CAPSL: variants seen among roughly 807,000 people sequenced by gnomAD.
CAPSL encodes calcyphosin-like protein.
In CAPSL, 17 loss-of-function variants were observed where a neutral mutation model predicts 21.3. The observed-to-expected ratio is 0.80, with a 90% confidence interval of 0.55 to 1.20. CAPSL has a LOEUF of 1.20. CAPSL is among the 50% of genes most tolerant of loss of function. The probability of loss-of-function intolerance (pLI) is 0.00; values close to 1 mark genes in which losing one functional copy is unlikely to be tolerated. For missense variants in CAPSL, 289 were observed against 259.3 expected, an observed-to-expected ratio of 1.11 and a Z score of -0.79; for synonymous variants, 102 against 89.3, an observed-to-expected ratio of 1.14 and a Z score of -0.80.
At chr5:35,922,373 T>G (rs1011413275) in intron 1 of CAPSL, among the ~76,000 whole-genome samples, 1 of 152,132 alleles carries the variant, frequency 6.6e-6, no homozygotes, top group African/African-American at 2.4e-5. Context: ...GCCACTTTCT[T>G]GCAGCCTCCA....
intron 1 of CAPSL, among the ~76,000 whole-genome samples, chr5:35,922,508 C>T (rs1231509733): frequency 2.0e-5 from 3 of 152,162 alleles, no homozygotes; most frequent in African/African-American, 7.2e-5. Context: ...CTGTCTACGT[C>T]CCAGCTCTTT....
chr5:35,930,399 C>T (rs1048989828), intron 1 of CAPSL, among the ~76,000 whole-genome samples: 14 of 152,262 alleles, frequency 9.2e-5, no homozygotes, highest in African/African-American at 3.1e-4. Flanking sequence ...TTATAAATAT[C>T]ATTGTGATAA....
At chr5:35,913,501 C>T (rs1050283048) in intron 2 of CAPSL, among the ~76,000 whole-genome samples, 10 of 152,066 alleles carry the variant, frequency 6.6e-5, no homozygotes, top group South Asian at 2.1e-4. Flanking sequence ...AGACTAACAG[C>T]GGATCTCTCA....
Position 35,910,167 on chromosome 5 carries a change from G to A in CAPSL, c.316-92C>T, listed in dbSNP as rs138096862. 335 of 1,183,922 alleles carry A rather than the reference G, an allele frequency of 2.8e-4. 2 individuals carry two copies. The Middle Eastern group carries it at 5.0e-3, about 18-fold the overall frequency. 73.3% of individuals were successfully genotyped at this position (1,183,922 alleles called of 1,614,324 possible). ...GATAAAATATCTCATTCCCCTCAAC[G>A]ATGTGAAATAATATTTGTGTGCTAT... On this transcript the variant is annotated intron_variant, in intron 3 of 4. Transcript: ENST00000651391.
chr5:35,925,686 T>TA (rs1424930288), intron 1 of CAPSL, among the ~76,000 whole-genome samples: 2 of 151,846 alleles, frequency 1.3e-5, no homozygotes, highest in Admixed American at 6.6e-5. Context: ...AAATTCTTCT[T>TA]AAAAAAGGAA....
chr5:35,915,196 C>T lies in CAPSL; in HGVS notation c.138-4653G>A, dbSNP rs143170718. Among the ~76,000 whole-genome samples, 505 of 152,000 alleles carry T rather than the reference C, an allele frequency of 3.3e-3. 2 individuals carry two copies. The highest frequency in any genetic ancestry group is 0.011 in the African/African-American group (471 of 41,476). ...ATCTCTGAATAGACCAATAACAGAC[C>T]CTGAAATTGAGGCAATAATTAATAG... On this transcript the variant is annotated intron_variant, in intron 2 of 4. Coordinates refer to ENST00000651391, the MANE Select transcript of CAPSL (RefSeq NM_001042625.2).
In CAPSL at chr5:35,904,495, T is replaced by A; in HGVS notation, c.*50A>T. 1 of 1,304,470 alleles carries A rather than the reference T, an allele frequency of 7.7e-7. No homozygotes were observed. The highest frequency in any genetic ancestry group is 1.5e-5 in the African/African-American group (1 of 67,758). 80.8% of individuals were successfully genotyped at this position (1,304,470 alleles called of 1,614,324 possible). On this transcript the variant is annotated 3_prime_UTR_variant, in exon 5 of 5. Transcript: ENST00000651391. ...TTCTGGTTTTTGAGCTGACATTTAGTCATTTGGAGCCACATGGCTGTCCCA... is the reference window on the plus strand; with the variant it reads ...TTCTGGTTTTTGAGCTGACATTTAGACATTTGGAGCCACATGGCTGTCCCA...
At chr5:35,919,278 G>A (rs1028824081) in intron 2 of CAPSL, among the ~76,000 whole-genome samples, 1 of 151,594 alleles carries the variant, frequency 6.6e-6, no homozygotes, top group African/African-American at 2.4e-5. Flanking sequence ...GCTAACTCAG[G>A]AGTAGCCAAG....
chr5:35,937,923 G>C (rs543713907), intron 1 of CAPSL, among the ~76,000 whole-genome samples: 1 of 152,012 alleles, frequency 6.6e-6, no homozygotes, highest in African/African-American at 2.4e-5. Context: ...GGCTGCCTGG[G>C]TCATTGGTGT....
intron 2 of CAPSL, among the ~76,000 whole-genome samples, chr5:35,911,563 C>T (rs1184788112): frequency 6.6e-6 from 1 of 152,162 alleles, no homozygotes; most frequent in African/African-American, 2.4e-5. Flanking sequence ...GAGAAACTGT[C>T]ATAACCAACA....
chr5:35,930,076 C>T (rs1350328278), intron 1 of CAPSL, among the ~76,000 whole-genome samples: 1 of 152,132 alleles, frequency 6.6e-6, no homozygotes. Context: ...TATGAAACAT[C>T]TGGTTTTTGT....
At chr5:35,919,892 G>A (rs1738491502) in intron 2 of CAPSL, among the ~76,000 whole-genome samples, 1 of 152,202 alleles carries the variant, frequency 6.6e-6, no homozygotes. Context: ...ACAGGTAGCA[G>A]GAGGGATTCC....
intron 2 of CAPSL, 33 bp from the exon 3 acceptor site, chr5:35,910,576 A>T: frequency 1.3e-6 from 2 of 1,481,814 alleles, no homozygotes; most frequent in Non-Finnish European, 1.9e-6. Context: ...TTCAGAAGAA[A>T]TGTACAAATA....
Position 35,919,170 on chromosome 5 carries a change from A to AAT in CAPSL, c.137+1812_137+1813dup, listed in dbSNP as rs1554069749. ...AGTATCTTTCCTGATTAAAAAAAAA[A>AAT]ATATATATATATATATATATAAAAA... On this transcript the variant is annotated intron_variant, in intron 2 of 4. Coordinates refer to ENST00000651391, the MANE Select transcript of CAPSL (RefSeq NM_001042625.2). Among the ~76,000 whole-genome samples, 889 of 121,248 alleles carry AAT rather than the reference A, an allele frequency of 7.3e-3. 6 individuals are homozygous for AAT. The highest frequency in any genetic ancestry group is 0.018 in the Middle Eastern group (4 of 228). The allele number at this position is 121,248 out of a possible 152,430, so 79.5% of individuals were successfully genotyped here.
At chr5:35,931,031 G>A (rs559154888) in intron 1 of CAPSL, among the ~76,000 whole-genome samples, 3 of 152,266 alleles carry the variant, frequency 2.0e-5, no homozygotes, top group Admixed American at 6.5e-5. Context: ...TGACATCATC[G>A]AGCTGCTGAA....
At chr5:35,934,724 A>G (rs1174145645) in intron 1 of CAPSL, among the ~76,000 whole-genome samples, 1 of 152,182 alleles carries the variant, frequency 6.6e-6, no homozygotes, top group African/African-American at 2.4e-5. Context: ...GGCTATGGGT[A>G]ACACCTTTCT....
intron 1 of CAPSL, among the ~76,000 whole-genome samples, chr5:35,935,975 G>A (rs1738936285): frequency 1.3e-5 from 2 of 152,170 alleles, no homozygotes; most frequent in South Asian, 4.1e-4. Flanking sequence ...AGCATGGACA[G>A]GTGTCACTGT....
rs145874997 is a variant in CAPSL, at chr5:35,932,572, T to C, written c.-1+5969A>G. ...GAAACCTGATTTTTGGCTGAATAAT[T>C]TGCCACCCCTAAGGTTCTGTTTATA... On this transcript the variant is annotated intron_variant, in intron 1 of 4. Transcript: ENST00000651391. Among the ~76,000 whole-genome samples, 10 of 152,272 alleles carry C rather than the reference T, an allele frequency of 6.6e-5. 1 individual carries two copies. The East Asian group carries it at 1.9e-3, about 29-fold the overall frequency.
chr5:35,916,874 T>C (rs1391852954), intron 2 of CAPSL, among the ~76,000 whole-genome samples: 1 of 152,102 alleles, frequency 6.6e-6, no homozygotes, highest in African/African-American at 2.4e-5. Context: ...TGGCATCTAA[T>C]TAAACTAAAG....
Sources: gnomAD v4.1 joint callset for allele counts (sites outside exome capture counted in the v4.1 genomes callset) on GRCh38, gnomAD v4.1.1 for gene constraint, MANE v1.5 for transcripts, NCBI Gene and HGNC (gene_info 2026-07-23, HGNC 2026-07-21) for gene names.